Variants in ADAMTSL1 observed in about 807,000 individuals in gnomAD.
The protein encoded by ADAMTSL1 is ADAMTS-like protein 1.
ADAMTSL1 carries 126 observed loss-of-function variants against 201.8 expected under a neutral mutation model. That is an observed-to-expected ratio of 0.62 (90% CI 0.54 to 0.72). ADAMTSL1 has a LOEUF of 0.72. Ranked by LOEUF, ADAMTSL1 falls within the 30% of genes least tolerant of loss-of-function variation. The pLI, the probability that ADAMTSL1 is intolerant of heterozygous loss-of-function variation, is 0.00. For synonymous variants in ADAMTSL1, 1,121 were observed against 903.4 expected (o/e 1.24, Z -4.32); for missense variants, 2,679 against 2,277.8 (o/e 1.18, Z -3.59).
chr9:18,523,575 G>T (rs963322407), intron 2 of ADAMTSL1, among the ~76,000 whole-genome samples: 1 of 151,932 alleles, frequency 6.6e-6, no homozygotes, highest in African/African-American at 2.4e-5. Flanking sequence ...ATGGTTTTAG[G>T]TCTAACGTTG....
intron 6 of ADAMTSL1, among the ~76,000 whole-genome samples, chr9:18,638,476 A>G (rs1232524228): frequency 6.6e-6 from 1 of 152,046 alleles, no homozygotes; most frequent in Non-Finnish European, 1.5e-5. Flanking sequence ...CCTCAGTCAC[A>G]TGAGAACTTA....
chr9:18,541,566 A>G (rs1163642155), intron 3 of ADAMTSL1, among the ~76,000 whole-genome samples: 1 of 151,792 alleles, frequency 6.6e-6, no homozygotes, highest in Non-Finnish European at 1.5e-5. Context: ...AATTTAAAGG[A>G]TCTATTTTTC....
At chr9:18,341,419 C>T (rs187425541) in intron 2 of ADAMTSL1, among the ~76,000 whole-genome samples, 41 of 152,244 alleles carry the variant, frequency 2.7e-4, no homozygotes, top group African/African-American at 9.1e-4. Flanking sequence ...AACTTGCATT[C>T]ATCTTTTAAG....
intron 1 of ADAMTSL1, among the ~76,000 whole-genome samples, chr9:17,974,236 T>G (rs1818344866): frequency 6.6e-6 from 1 of 151,980 alleles, no homozygotes; most frequent in African/African-American, 2.4e-5. Context: ...GTGTTGGCAG[T>G]TCTGGCCAGG....
intron 23 of ADAMTSL1, among the ~76,000 whole-genome samples, chr9:18,854,042 T>C (rs778827501): frequency 2.7e-4 from 41 of 152,176 alleles, no homozygotes; most frequent in Non-Finnish European, 5.9e-4. Context: ...ATGTGCCACA[T>C]CCTGCTATGT....
At chr9:18,481,790 C>T (rs1406362569) in intron 1 of ADAMTSL1, among the ~76,000 whole-genome samples, 1 of 152,128 alleles carries the variant, frequency 6.6e-6, no homozygotes, top group Non-Finnish European at 1.5e-5. Flanking sequence ...TGCAACAGAA[C>T]ACACTGGAAC....
chr9:18,741,334 A>G (rs965342320), intron 15 of ADAMTSL1, among the ~76,000 whole-genome samples: 4 of 152,148 alleles, frequency 2.6e-5, no homozygotes, highest in Non-Finnish European at 1.5e-5. Flanking sequence ...GATGGGTAGA[A>G]TTAAAAATAA....
At chr9:18,039,203 A>G (rs889961706) in intron 1 of ADAMTSL1, among the ~76,000 whole-genome samples, 3 of 152,214 alleles carry the variant, frequency 2.0e-5, no homozygotes, top group Non-Finnish European at 4.4e-5. Flanking sequence ...TGTGCCATTA[A>G]AAGAAGACTG....
intron 23 of ADAMTSL1, among the ~76,000 whole-genome samples, chr9:18,878,990 C>A (rs1056680123): frequency 6.6e-6 from 1 of 152,180 alleles, no homozygotes; most frequent in Admixed American, 6.5e-5. Flanking sequence ...GGACCAACTA[C>A]TGACAATGGA....
intron 1 of ADAMTSL1, among the ~76,000 whole-genome samples, chr9:18,060,205 C>G (rs1182083017): frequency 6.6e-6 from 1 of 152,154 alleles, no homozygotes. Context: ...GGCAGCATAT[C>G]ATATACCCTA....
chr9:18,905,809 C>G lies in ADAMTSL1; in HGVS notation c.4879C>G (p.Leu1627Val). 3.7e-6 allele frequency: 6 copies of G among 1,613,562 alleles called. No homozygotes were observed. Among genetic ancestry groups the G allele is most frequent in the Non-Finnish European group, 5.1e-6 (6 of 1,179,748 alleles). The change falls in exon 27 of 29, where the codon CTA becomes GTA. Residue 1627 changes from leucine to valine, a missense_variant. Leu to Val is a conservative substitution (Grantham distance 32, BLOSUM62 1). Transcript: ENST00000380548. ...QCNGPCIGPH[L>V]AVQHRQVFCQ... is the part of the protein sequence containing the mutation. ...CAATGGGCCTTGCATCGGGCCTCAC[C>G]TAGCTGTGCAACACAGACAAGTCTT...
At chr9:18,040,236 G>C (rs1049549637) in intron 1 of ADAMTSL1, among the ~76,000 whole-genome samples, 1 of 152,158 alleles carries the variant, frequency 6.6e-6, no homozygotes, top group African/African-American at 2.4e-5. Flanking sequence ...TGATAACCTG[G>C]CTCTGTTTTC....
intron 25 of ADAMTSL1, chr9:18,890,680 C>G: frequency 2.2e-6 from 1 of 444,558 alleles, no homozygotes; most frequent in Non-Finnish European, 4.5e-6. Context: ...CTTTTATACC[C>G]TTCCTGAACT....
chr9:18,323,222 G>T (rs1300310692), intron 2 of ADAMTSL1, among the ~76,000 whole-genome samples: 2 of 152,092 alleles, frequency 1.3e-5, no homozygotes, highest in Non-Finnish European at 1.5e-5. Flanking sequence ...GGAATGTAAG[G>T]TTGGCTTGAC....
chr9:18,642,000 C>T (rs1307535371), intron 7 of ADAMTSL1, among the ~76,000 whole-genome samples: 2 of 151,932 alleles, frequency 1.3e-5, no homozygotes, highest in African/African-American at 4.8e-5. Flanking sequence ...TCATTAGAAA[C>T]ACCAAAATCC....
At chr9:18,231,121 CG>C (rs1429698341) in intron 2 of ADAMTSL1, among the ~76,000 whole-genome samples, 6 of 152,146 alleles carry the variant, frequency 3.9e-5, no homozygotes, top group East Asian at 1.9e-4. Flanking sequence ...TTGCAACCCC[CG>C]GGCTTTTTAC....
At chr9:18,339,314 A>G (rs1197256159) in intron 2 of ADAMTSL1, among the ~76,000 whole-genome samples, 1 of 152,220 alleles carries the variant, frequency 6.6e-6, no homozygotes, top group African/African-American at 2.4e-5. Flanking sequence ...GACACTTTTC[A>G]AAAGATGACA....
chr9:18,846,677 G>C (rs994145095), intron 23 of ADAMTSL1, among the ~76,000 whole-genome samples: 1 of 152,134 alleles, frequency 6.6e-6, no homozygotes, highest in African/African-American at 2.4e-5. Flanking sequence ...GAAGAGGCTA[G>C]ATAGAGTCCC....
At chr9:18,256,129 A>C (rs1033015627) in intron 2 of ADAMTSL1, among the ~76,000 whole-genome samples, 3 of 152,234 alleles carry the variant, frequency 2.0e-5, no homozygotes, top group Non-Finnish European at 2.9e-5. Context: ...TTCTCTGAGC[A>C]TAGTCTACAA....
Sources: gnomAD v4.1 joint callset for allele counts (sites outside exome capture counted in the v4.1 genomes callset) on GRCh38, gnomAD v4.1.1 for gene constraint, MANE v1.5 for transcripts, NCBI Gene and HGNC (gene_info 2026-07-23, HGNC 2026-07-21) for gene names.